ABCA9: variants seen among roughly 807,000 people sequenced by gnomAD.
The protein encoded by ABCA9 is ATP-binding cassette sub-family A member 9.
In ABCA9, 183 loss-of-function variants were observed where a neutral mutation model predicts 205.3. The observed-to-expected ratio is 0.89, with a 90% CI of 0.79 to 1.01. The LOEUF is 1.01. ABCA9 is among the 50% of genes least tolerant of loss of function. ABCA9 has a pLI of 0.00. For synonymous variants in ABCA9, 651 were observed against 683.3 expected, an observed-to-expected ratio of 0.95 and a Z score of 0.74; for missense variants, 1,805 against 1,912.4, an observed-to-expected ratio of 0.94 and a Z score of 1.05.
upstream of ABCA9, among the ~76,000 whole-genome samples, chr17:69,062,894 T>A (rs1036366100): frequency 2.1e-5 from 3 of 144,904 alleles, no homozygotes; most frequent in African/African-American, 7.3e-5. Context: ...GAAATGACAC[T>A]GATTTTATAC....
At chr17:69,049,049 CTATCTCATTTTGA>C (rs1478537028) in intron 3 of ABCA9, among the ~76,000 whole-genome samples, 9 of 152,174 alleles carry the variant, frequency 5.9e-5, no homozygotes, top group African/African-American at 2.2e-4. Flanking sequence ...TAACCCTGGA[CTATCTCATTTTGA>C]TATGTACAAT....
intron 14 of ABCA9, 51 bp downstream of exon 14, chr17:69,027,279 T>C: frequency 6.3e-7 from 1 of 1,584,968 alleles, no homozygotes; most frequent in Non-Finnish European, 8.6e-7. Flanking sequence ...CCTAATAAAA[T>C]AATTTTATAG....
At chr17:69,064,421 C>T (rs1389119711), upstream of ABCA9, among the ~76,000 whole-genome samples, 1 of 152,154 alleles carries the variant, frequency 6.6e-6, no homozygotes, top group Non-Finnish European at 1.5e-5. Flanking sequence ...CTTCCTGCTC[C>T]TTATAGGATA....
chr17:69,049,345 G>T lies in ABCA9; in HGVS notation c.242C>A (p.Ala81Glu). 1 of 1,613,248 alleles carries T rather than the reference G, an allele frequency of 6.2e-7. No homozygotes were observed. Among genetic ancestry groups the T allele is most frequent in the Non-Finnish European group, 8.5e-7 (1 of 1,179,536 alleles). The change falls in exon 3 of 39, where the codon GCA becomes GAA. Residue 81 changes from alanine to glutamate, a missense_variant. Ala to Glu is a moderately radical substitution (Grantham distance 107). Transcript: ENST00000340001. ...CTCTTGGGTAGTTTTGGATTCAGGT[G>T]CAAATGCAATAACATAATTAGTATC... ...FNDTNYVIAF[A>E]PESKTTQEIM...
At chr17:69,040,351 T>C (rs1302546304) in intron 6 of ABCA9, among the ~76,000 whole-genome samples, 1 of 152,164 alleles carries the variant, frequency 6.6e-6, no homozygotes, top group African/African-American at 2.4e-5. Flanking sequence ...GTGGCACATA[T>C]ACACCATGGA....
At chr17:69,017,994 T>A in intron 20 of ABCA9, 1 of 507,240 alleles carries the variant, frequency 2.0e-6, no homozygotes, top group Non-Finnish European at 3.4e-6. Context: ...AGCCTAGGCA[T>A]TTCATTATAA....
intron 29 of ABCA9, 22 bp downstream of exon 29, chr17:68,990,815 G>A (rs199587523): frequency 5.8e-5 from 92 of 1,594,406 alleles, no homozygotes; most frequent in African/African-American, 3.0e-4. Context: ...AATAGTTGAC[G>A]AAGAACATTT....
At chr17:69,010,695 G>A (rs1472472097) in intron 23 of ABCA9, among the ~76,000 whole-genome samples, 1 of 152,088 alleles carries the variant, frequency 6.6e-6, no homozygotes, top group Non-Finnish European at 1.5e-5. Flanking sequence ...AGTGGTTTAG[G>A]CAAGGAATGA....
intron 29 of ABCA9, among the ~76,000 whole-genome samples, chr17:68,990,596 G>A (rs996409293): frequency 6.6e-6 from 1 of 152,078 alleles, no homozygotes; most frequent in Admixed American, 6.6e-5. Flanking sequence ...TTGTTGCCCA[G>A]GCTGGTCTCA....
At chr17:69,025,433 G>T (rs1374491095) in intron 16 of ABCA9, among the ~76,000 whole-genome samples, 1 of 152,124 alleles carries the variant, frequency 6.6e-6, no homozygotes, top group East Asian at 1.9e-4. Context: ...ATGGGTTGAA[G>T]AAGAACATGT....
upstream of ABCA9, chr17:69,061,167 A>G (rs137989816): frequency 2.0e-6 from 2 of 984,960 alleles, no homozygotes; most frequent in East Asian, 1.1e-4. Context: ...ATATCAAAAC[A>G]TTAGGAACTA....
chr17:69,020,997 A>T (rs2070789753), intron 18 of ABCA9, among the ~76,000 whole-genome samples: 1 of 152,192 alleles, frequency 6.6e-6, no homozygotes, highest in African/African-American at 2.4e-5. Flanking sequence ...CGATATTTTT[A>T]AAATATAACC....
chr17:69,066,272 G>A, the ABCA9 span, among the ~76,000 whole-genome samples: 6 of 152,178 alleles, frequency 3.9e-5, no homozygotes, highest in East Asian at 1.9e-4. Flanking sequence ...AATCATCACC[G>A]CTGTGTACCT....
chr17:69,045,552 C>T (rs2071682582), intron 3 of ABCA9, among the ~76,000 whole-genome samples: 2 of 151,540 alleles, frequency 1.3e-5, no homozygotes, highest in Admixed American at 1.3e-4. Flanking sequence ...TATAACTTAC[C>T]CTTCCAAATA....
At chr17:69,018,771 C>T (rs1250609857) in intron 19 of ABCA9, among the ~76,000 whole-genome samples, 192 bp from the exon 20 acceptor site, 1 of 152,004 alleles carries the variant, frequency 6.6e-6, no homozygotes, top group East Asian at 1.9e-4. Flanking sequence ...GTCTTTTGCT[C>T]TCTCTCAAGT....
intron 1 of ABCA9, among the ~76,000 whole-genome samples, chr17:69,059,083 A>G (rs2072156000): frequency 6.6e-6 from 1 of 152,030 alleles, no homozygotes; most frequent in Non-Finnish European, 1.5e-5. Context: ...CTGCCCCAAT[A>G]ATTCCATTAC....
Position 68,986,276 on chromosome 17 carries a change from A to C in ABCA9, c.4096T>G (p.Tyr1366Asp). Residue 1366 changes from tyrosine to aspartate, a missense_variant, in exon 32 of 39, where the codon TAC becomes GAC. Physicochemically the swap from Tyr to Asp is radical, Grantham distance 160 (BLOSUM62 -3). Transcript: ENST00000340001. Reference sequence around the variant, plus strand: ...CACAGCGCATTCTCCTGAGGGCAGTACCCCAGGAAGCCCAGGGGTTCCCCT... The same window carrying C: ...CACAGCGCATTCTCCTGAGGGCAGTCCCCCAGGAAGCCCAGGGGTTCCCCT... ...GGGEPLGFLG[Y>D]CPQENALWPN... The C allele has an allele frequency of 6.2e-7, 1 of 1,613,636 alleles. No individual in the cohort carries two copies.
chr17:68,999,744 C>T (rs1279135135), intron 25 of ABCA9, among the ~76,000 whole-genome samples: 6 of 152,162 alleles, frequency 3.9e-5, no homozygotes, highest in Non-Finnish European at 5.9e-5. Context: ...GTCCCACCAA[C>T]AGTGTAAAAG....
intron 20 of ABCA9, 42 bp downstream of exon 20, chr17:69,018,371 C>A (rs1418660602): frequency 1.4e-6 from 2 of 1,421,652 alleles, no homozygotes; most frequent in South Asian, 1.8e-5. Flanking sequence ...AATCTCTCAA[C>A]AAGAACAACA....
Sources: gnomAD v4.1 joint callset for allele counts (sites outside exome capture counted in the v4.1 genomes callset) on GRCh38, gnomAD v4.1.1 for gene constraint, MANE v1.5 for transcripts, NCBI Gene and HGNC (gene_info 2026-07-23, HGNC 2026-07-21) for gene names.